KLF15: variants seen among roughly 807,000 people sequenced by gnomAD.
The protein encoded by KLF15 is Krueppel-like factor 15.
In KLF15, 4 loss-of-function variants were observed where a neutral mutation model predicts 24.6. The ratio of observed to expected loss-of-function variants is 0.16; its 90% CI spans 0.08 to 0.37. The LOEUF (loss-of-function observed/expected upper bound fraction) is 0.37. Ranked by LOEUF, KLF15 falls within the 10% of genes least tolerant of loss-of-function variation. The pLI is 1.00. For missense variants in KLF15, 496 were observed against 560.6 expected, an observed-to-expected ratio of 0.88 and a Z score of 1.16; for synonymous variants, 246 against 236.3, an observed-to-expected ratio of 1.04 and a Z score of -0.37.
At chr3:126,318,221 C>T in the KLF15 span, among the ~76,000 whole-genome samples, 1 of 152,200 alleles carries the variant, frequency 6.6e-6, no homozygotes, top group African/African-American at 2.4e-5. Flanking sequence ...CTCATACATG[C>T]CTTTAACCTA....
the KLF15 span, among the ~76,000 whole-genome samples, chr3:126,295,311 T>C: frequency 6.6e-6 from 1 of 152,156 alleles, no homozygotes; most frequent in Non-Finnish European, 1.5e-5. Context: ...ACAGTTACTA[T>C]CCACTTTGGA....
At chr3:126,316,429 T>G in the KLF15 span, among the ~76,000 whole-genome samples, 3 of 23,318 alleles carry the variant, frequency 1.3e-4, no homozygotes, top group South Asian at 1.5e-3. Context: ...GGGAAGGGAG[T>G]GCATGGGCCT....
chr3:126,352,221 T>C lies in KLF15; in HGVS notation c.702A>G (p.Thr234=), dbSNP rs1200284089. The C allele has an allele frequency of 1.3e-6, 2 of 1,538,054 alleles. No individual in the cohort carries two copies. Among genetic ancestry groups the C allele is most frequent in the Non-Finnish European group, 1.7e-6 (2 of 1,145,156 alleles). The change falls in exon 2 of 3, where the codon ACA becomes ACG. Residue 234 remains threonine, a synonymous_variant. Coordinates refer to ENST00000296233, the MANE Select transcript of KLF15 (RefSeq NM_014079.4). ...QPVPVKQESG[T]GPASPGQAPE... Reference sequence around the variant, plus strand: ...GGGCTTGCCCAGGGGAGGCAGGCCCTGTGCCCGATTCCTGCTTCACAGGCA... The same window carrying C: ...GGGCTTGCCCAGGGGAGGCAGGCCCCGTGCCCGATTCCTGCTTCACAGGCA...
rs781574875 is a variant in KLF15, at chr3:126,352,432, C to A, written c.491G>T (p.Ser164Ile). Residue 164 changes from serine (S) to isoleucine (I), a missense_variant, in exon 2 of 3, where the codon AGC becomes ATC. Ser to Ile is a moderately radical substitution (Grantham distance 142, BLOSUM62 -2). This residue lies in a region of KLF15 where 399 missense variants were observed against 423.1 expected (regional missense o/e 0.94). Coordinates refer to ENST00000296233, the MANE Select transcript of KLF15 (RefSeq NM_014079.4). ...PGVKEVPEGN[S>I]KDLDACSQLS... Reference sequence around the variant, plus strand: ...CTGGCTGCAGGCATCCAAGTCCTTGCTGTTGCCCTCAGGGACCTCCTTGAC... The same window carrying A: ...CTGGCTGCAGGCATCCAAGTCCTTGATGTTGCCCTCAGGGACCTCCTTGAC... 1 of 1,613,636 alleles carries A rather than the reference C, an allele frequency of 6.2e-7. No individual in the cohort carries two copies. Among genetic ancestry groups the A allele is most frequent in the Admixed American group, 1.7e-5 (1 of 60,026 alleles).
the KLF15 span, among the ~76,000 whole-genome samples, chr3:126,311,268 T>C: frequency 1.3e-5 from 2 of 152,178 alleles, no homozygotes; most frequent in East Asian, 1.9e-4. Flanking sequence ...AGGCCAAGAA[T>C]TTTTGGGCTG....
the KLF15 span, among the ~76,000 whole-genome samples, chr3:126,297,638 A>T: frequency 2.0e-5 from 3 of 152,146 alleles, no homozygotes; most frequent in Non-Finnish European, 4.4e-5. Flanking sequence ...CCATCGTATT[A>T]TTCTTATGCC....
At chr3:126,353,002 C>T (rs1283268199) in intron 1 of KLF15, 55 bp from the exon 2 acceptor site, 2 of 1,512,588 alleles carry the variant, frequency 1.3e-6, no homozygotes, top group Non-Finnish European at 1.8e-6. Flanking sequence ...CACCTGCCAC[C>T]TCGCAGGCCT....
At chr3:126,329,512 A>T in the KLF15 span, among the ~76,000 whole-genome samples, 1 of 152,178 alleles carries the variant, frequency 6.6e-6, no homozygotes, top group African/African-American at 2.4e-5. Context: ...TAAATTAAAT[A>T]ATAAAACAAA....
chr3:126,340,969 T>A (rs2082475475), downstream of KLF15, among the ~76,000 whole-genome samples: 1 of 152,202 alleles, frequency 6.6e-6, no homozygotes, highest in South Asian at 2.1e-4. Flanking sequence ...ACTTACCACG[T>A]GCCACCACGC....
At chr3:126,323,577 G>T in the KLF15 span, among the ~76,000 whole-genome samples, 1 of 143,266 alleles carries the variant, frequency 7.0e-6, no homozygotes, top group East Asian at 2.1e-4. Context: ...TGCAGAACGT[G>T]CAGGTTTGTT....
chr3:126,334,319 A>T, the KLF15 span, among the ~76,000 whole-genome samples: 1 of 146,336 alleles, frequency 6.8e-6, no homozygotes, highest in African/African-American at 2.5e-5. Context: ...CTCCTGAATG[A>T]CTACTGGGTA....
At chr3:126,314,550 G>T in the KLF15 span, among the ~76,000 whole-genome samples, 1 of 152,166 alleles carries the variant, frequency 6.6e-6, no homozygotes, top group South Asian at 2.1e-4. Flanking sequence ...CCAACCAGTA[G>T]CTCCTGCCTC....
chr3:126,354,146 G>A (rs1258397122), intron 1 of KLF15: 2 of 152,366 alleles, frequency 1.3e-5, no homozygotes, highest in South Asian at 2.1e-4. Context: ...GAGGAGAAGG[G>A]AAAGCTGCAT....
the KLF15 span, among the ~76,000 whole-genome samples, chr3:126,334,092 T>A: frequency 6.6e-6 from 1 of 151,772 alleles, no homozygotes; most frequent in Admixed American, 6.6e-5. Flanking sequence ...TCTACAGAAC[T>A]CTCCACCCCA....
chr3:126,353,639 G>A (rs1404941033), intron 1 of KLF15, among the ~76,000 whole-genome samples: 2 of 152,174 alleles, frequency 1.3e-5, no homozygotes, highest in Non-Finnish European at 2.9e-5. Context: ...GTAGCATGTA[G>A]GCAAAACAGT....
the KLF15 span, among the ~76,000 whole-genome samples, chr3:126,295,521 G>C: frequency 1.3e-5 from 2 of 152,188 alleles, no homozygotes. Context: ...AGGATACAAA[G>C]GCATCCACAT....
the KLF15 span, among the ~76,000 whole-genome samples, chr3:126,300,730 G>A: frequency 6.6e-5 from 10 of 152,364 alleles, no homozygotes; most frequent in East Asian, 5.8e-4. Context: ...CAGCGGCAGT[G>A]TGGAGGCTAG....
Position 126,352,572 on chromosome 3 carries a change from C to T in KLF15, c.351G>A (p.Gly117=). The T allele has an allele frequency of 6.2e-7, 1 of 1,612,764 alleles. No individual in the cohort carries two copies. Among genetic ancestry groups the T allele is most frequent in the South Asian group, 1.1e-5 (1 of 91,084 alleles). ...GAAACTCGGGCAAGCAGAAATGCTCCCCCTTCACAGGGGCCGCTGCCCTTC... is the reference window on the plus strand; with the variant it reads ...GAAACTCGGGCAAGCAGAAATGCTCTCCCTTCACAGGGGCCGCTGCCCTTC... ...PWRRAAAPVK[G]EHFCLPEFPL... Residue 117 remains glycine (G), a synonymous_variant, in exon 2 of 3, where the codon GGG becomes GGA. Transcript: ENST00000296233.
intron 1 of KLF15, among the ~76,000 whole-genome samples, 178 bp from the exon 2 acceptor site, chr3:126,353,125 C>T (rs1181820573): frequency 6.6e-6 from 1 of 152,226 alleles, no homozygotes; most frequent in Non-Finnish European, 1.5e-5. Context: ...AATTGCACCA[C>T]CTGTTTGCAA....
Sources: allele counts gnomAD v4.1 joint callset (sites outside exome capture counted in the v4.1 genomes callset), GRCh38; gene constraint gnomAD v4.1.1; regional missense constraint gnomAD v4.1.1; transcripts MANE v1.5; gene names NCBI Gene and HGNC (gene_info 2026-07-23, HGNC 2026-07-21).